The following ACER3 variants were observed in gnomAD, a reference collection of about 807,000 sequenced individuals.
ACER3 encodes alkCDase 3.
Under a neutral mutation model 48.9 loss-of-function variants are expected in ACER3, and 16 were observed. The observed-to-expected ratio is 0.33, with a 90% CI of 0.22 to 0.50. The LOEUF is 0.50. Among genes scored for constraint, ACER3 ranks in the 20% least tolerant of loss-of-function variants. The probability of loss-of-function intolerance (pLI) is 0.98; values close to 1 mark genes in which losing one functional copy is unlikely to be tolerated. For missense variants in ACER3, 227 were observed against 326.0 expected (o/e 0.70, Z 2.34); for synonymous variants, 109 against 107.8 (o/e 1.01, Z -0.07).
chr11:76,883,698 G>A (rs1268635839), intron 1 of ACER3, among the ~76,000 whole-genome samples: 4 of 151,850 alleles, frequency 2.6e-5, no homozygotes, highest in South Asian at 2.1e-4. Flanking sequence ...ACCCACCTCG[G>A]CCCCAAAGTG....
At chr11:76,992,946 A>G (rs945441359) in intron 6 of ACER3, among the ~76,000 whole-genome samples, 1 of 151,558 alleles carries the variant, frequency 6.6e-6, no homozygotes, top group African/African-American at 2.4e-5. Flanking sequence ...ACAGCTCACT[A>G]CAGCCTTGAC....
In ACER3 at chr11:77,019,850, G is replaced by T. The variant is rs1227138542; in HGVS notation, c.750+74G>T. ...GGAGTATAGGATGGAGGTGGAAGAA[G>T]AAAGGGGAGTTTGGAGAGGTAGTGG... On this transcript the variant is annotated intron_variant, in intron 10 of 10. Transcript: ENST00000532485. 5 of 1,500,906 alleles carry T rather than the reference G, an allele frequency of 3.3e-6. No individual in the cohort carries two copies. The South Asian group carries it at 4.6e-5, about 14-fold the overall frequency. 93.0% of individuals were successfully genotyped at this position (1,500,906 alleles called of 1,614,324 possible). A position where few individuals can be genotyped will look rare whatever the true frequency, so the allele number is the denominator to read the frequency against.
chr11:76,948,556 G>A (rs145474739), intron 2 of ACER3, among the ~76,000 whole-genome samples: 2 of 152,082 alleles, frequency 1.3e-5, no homozygotes, highest in African/African-American at 4.8e-5. Context: ...GGAAGTCATA[G>A]TTGGCATTAT....
chr11:76,932,483 A>G (rs993752170), intron 2 of ACER3, among the ~76,000 whole-genome samples: 2 of 152,198 alleles, frequency 1.3e-5, no homozygotes, highest in Non-Finnish European at 2.9e-5. Flanking sequence ...AGACTTGTCT[A>G]CAGACTTATC....
chr11:76,952,413 C>T (rs77325598), intron 2 of ACER3, among the ~76,000 whole-genome samples: 16,363 of 151,200 alleles, frequency 0.11, 1,077 homozygotes, highest in East Asian at 0.35. Flanking sequence ...GCGCCCGCCA[C>T]GACGCCCGGC....
intron 6 of ACER3, among the ~76,000 whole-genome samples, chr11:76,992,181 T>C (rs1948819368): frequency 6.6e-6 from 1 of 152,088 alleles, no homozygotes; most frequent in Non-Finnish European, 1.5e-5. Context: ...CAGTGAACTA[T>C]GATTGTGCCA....
intron 5 of ACER3, among the ~76,000 whole-genome samples, chr11:76,986,793 A>G (rs1948694296): frequency 6.6e-6 from 1 of 152,166 alleles, no homozygotes; most frequent in African/African-American, 2.4e-5. Context: ...AGTTAGGCGC[A>G]GTGGCCCACT....
intron 1 of ACER3, among the ~76,000 whole-genome samples, chr11:76,906,120 A>G (rs1946225712): frequency 6.6e-6 from 1 of 152,186 alleles, no homozygotes; most frequent in Non-Finnish European, 1.5e-5. Flanking sequence ...AATTTCGTTT[A>G]TAGTTTTTAA....
chr11:76,966,284 T>C (rs1948135477), intron 3 of ACER3, among the ~76,000 whole-genome samples: 2 of 150,708 alleles, frequency 1.3e-5, no homozygotes, highest in Admixed American at 1.3e-4. Context: ...ATGCACCCAA[T>C]ACAGGAGCAC....
At chr11:76,968,605 A>G (rs988198698) in intron 3 of ACER3, among the ~76,000 whole-genome samples, 1 of 152,214 alleles carries the variant, frequency 6.6e-6, no homozygotes, top group African/African-American at 2.4e-5. Context: ...ATATAGACCA[A>G]TGGAACAGAA....
chr11:76,923,944 A>G (rs1329662801), intron 1 of ACER3, among the ~76,000 whole-genome samples: 1 of 152,168 alleles, frequency 6.6e-6, no homozygotes, highest in Non-Finnish European at 1.5e-5. Flanking sequence ...TCTGCTGAAT[A>G]GTTAGGGGGC....
chr11:76,932,566 A>T (rs1264365859), intron 2 of ACER3, among the ~76,000 whole-genome samples: 1 of 152,184 alleles, frequency 6.6e-6, no homozygotes, highest in Non-Finnish European at 1.5e-5. Context: ...TAACAACAAT[A>T]AGAACAAAAA....
chr11:76,902,470 C>T (rs1381378439), intron 1 of ACER3, among the ~76,000 whole-genome samples: 1 of 152,138 alleles, frequency 6.6e-6, no homozygotes, highest in Non-Finnish European at 1.5e-5. Context: ...CACAAATTCC[C>T]TTTTTGTTTT....
intron 3 of ACER3, among the ~76,000 whole-genome samples, chr11:76,964,563 C>G (rs1054001531): frequency 6.6e-6 from 1 of 151,300 alleles, no homozygotes; most frequent in Non-Finnish European, 1.5e-5. Context: ...AGGCACCCCC[C>G]AGTAGGGGTG....
At chr11:77,003,018 G>C (rs1236064214) in intron 7 of ACER3, among the ~76,000 whole-genome samples, 1 of 152,116 alleles carries the variant, frequency 6.6e-6, no homozygotes, top group Admixed American at 6.5e-5. Context: ...TGGGAAGATA[G>C]AAAAAGTTCT....
intron 1 of ACER3, among the ~76,000 whole-genome samples, chr11:76,924,973 C>CAAAA (rs57093609): frequency 0.32 from 25,078 of 78,072 alleles, 5,934 homozygotes; most frequent in Non-Finnish European, 0.49. Context: ...AAGACTCTGT[C>CAAAA]AAAAAAAAAA....
At chr11:76,967,530 CA>C (rs1948171139) in intron 3 of ACER3, among the ~76,000 whole-genome samples, 1 of 152,138 alleles carries the variant, frequency 6.6e-6, no homozygotes, top group South Asian at 2.1e-4. Flanking sequence ...AACATTGAGG[CA>C]AAAATCCTCA....
At chr11:76,949,776 T>C (rs1196150452) in intron 2 of ACER3, among the ~76,000 whole-genome samples, 1 of 152,210 alleles carries the variant, frequency 6.6e-6, no homozygotes, top group East Asian at 1.9e-4. Context: ...TCACCTGTTC[T>C]CCAGCCCTGC....
At chr11:76,926,809 C>T (rs532361695) in intron 2 of ACER3, 142 bp downstream of exon 2, 2 of 537,360 alleles carry the variant, frequency 3.7e-6, no homozygotes, top group East Asian at 6.6e-5. Flanking sequence ...ACTCCAAAAA[C>T]CTTGCCAGTG....
Sources: allele counts gnomAD v4.1 joint callset (sites outside exome capture counted in the v4.1 genomes callset), GRCh38; gene constraint gnomAD v4.1.1; transcripts MANE v1.5; gene names NCBI Gene and HGNC (gene_info 2026-07-23, HGNC 2026-07-21).